Variants in GPNMB observed in about 807,000 individuals in gnomAD.
GPNMB encodes the protein glycoprotein nmb, also known as transmembrane glycoprotein NMB.
A neutral mutation model predicts 57.3 loss-of-function variants in GPNMB; 71 were observed. The observed-to-expected ratio is 1.24, with a 90% confidence interval of 1.02 to 1.51. The LOEUF is 1.51. GPNMB is among the 40% of genes most tolerant of loss of function. The pLI is 0.00. For missense variants in GPNMB, 677 were observed against 691.9 expected, an observed-to-expected ratio of 0.98 and a Z score of 0.24; for synonymous variants, 253 against 263.2, an observed-to-expected ratio of 0.96 and a Z score of 0.38.
chr7:23,267,569 T>G (rs997071484), intron 7 of GPNMB, among the ~76,000 whole-genome samples: 3 of 152,186 alleles, frequency 2.0e-5, no homozygotes, highest in African/African-American at 7.2e-5. Context: ...ACCAGCACAT[T>G]CGGTGGCTGG....
At chr7:23,268,125 C>A in intron 8 of GPNMB, 137 bp downstream of exon 8, 1 of 631,828 alleles carries the variant, frequency 1.6e-6, no homozygotes, top group Non-Finnish European at 2.8e-6. Flanking sequence ...TACTGGTAAC[C>A]CTAGACAGGA....
chr7:23,260,631 T>C lies in GPNMB; in HGVS notation c.876T>C (p.Phe292=). The C allele has an allele frequency of 6.2e-7, 1 of 1,614,122 alleles. No homozygotes were observed. The highest frequency in any genetic ancestry group is 8.5e-7 in the Non-Finnish European group (1 of 1,179,964). ...KWSFGDNTGL[F]VSTNHTVNHT... is the part of the protein sequence containing the mutation. The stretch of plus-strand genomic sequence containing the variant: ...GCTTCGGGGATAATACTGGCCTGTT[T>C]GTTTCCACCAATCATACTGTGAATC... The change falls in exon 6 of 11, where the codon TTT becomes TTC. Residue 292 remains phenylalanine, a synonymous_variant. Transcript: ENST00000258733.
chr7:23,267,740 C>T, intron 7 of GPNMB, 146 bp from the exon 8 acceptor site: 1 of 657,394 alleles, frequency 1.5e-6, no homozygotes, highest in East Asian at 2.6e-5. Flanking sequence ...TCCCAAAGAC[C>T]CCCCTCCTAA....
At chr7:23,265,979 C>G (rs1472854156) in intron 6 of GPNMB, among the ~76,000 whole-genome samples, 1 of 151,218 alleles carries the variant, frequency 6.6e-6, no homozygotes, top group African/African-American at 2.4e-5. Context: ...GACGGAGTCT[C>G]GCTCTGTCAC....
At chr7:23,257,141 A>C in intron 4 of GPNMB, 76 bp downstream of exon 4, 1 of 1,228,008 alleles carries the variant, frequency 8.1e-7, no homozygotes, top group Non-Finnish European at 1.2e-6. Flanking sequence ...TTACTCTATA[A>C]TTGAGAATGA....
intron 10 of GPNMB, 28 bp downstream of exon 10, chr7:23,273,642 T>C: frequency 7.7e-7 from 1 of 1,290,374 alleles, no homozygotes; most frequent in Non-Finnish European, 1.1e-6. Context: ...ACGCTTTATA[T>C]CACTATAGTG....
intron 3 of GPNMB, among the ~76,000 whole-genome samples, chr7:23,255,698 A>G (rs1782760428): frequency 6.6e-6 from 1 of 152,012 alleles, no homozygotes; most frequent in Non-Finnish European, 1.5e-5. Flanking sequence ...GATTTGTATG[A>G]CTTTTTTGAG....
chr7:23,255,367 A>C (rs1782751880), intron 3 of GPNMB, among the ~76,000 whole-genome samples: 1 of 152,210 alleles, frequency 6.6e-6, no homozygotes, highest in Admixed American at 6.5e-5. Context: ...CATGGCCTCC[A>C]GTTCCATCCA....
chr7:23,273,508 C>T lies in GPNMB; in HGVS notation c.1430-13C>T. 5 of 1,576,532 alleles carry T rather than the reference C, an allele frequency of 3.2e-6. No individual in the cohort carries two copies. Among genetic ancestry groups the T allele is most frequent in the African/African-American group, 1.3e-5 (1 of 74,312 alleles). On this transcript the variant is annotated splice_polypyrimidine_tract_variant and intron_variant, in intron 9 of 10. Transcript: ENST00000258733. Reference sequence around the variant, plus strand: ...GGAAGACATAACTAACATGCTCTTGCTTCTGTTTTAAGACCCAGCCTCGCC... The same window carrying T: ...GGAAGACATAACTAACATGCTCTTGTTTCTGTTTTAAGACCCAGCCTCGCC...
chr7:23,259,555 T>G (rs1215885344), intron 4 of GPNMB, among the ~76,000 whole-genome samples: 1 of 152,172 alleles, frequency 6.6e-6, no homozygotes, highest in African/African-American at 2.4e-5. Context: ...ATCCACTTAA[T>G]AATATAGCGG....
chr7:23,266,144 T>C (rs990497580), intron 6 of GPNMB: 2 of 166,260 alleles, frequency 1.2e-5, no homozygotes, highest in East Asian at 3.4e-4. Flanking sequence ...AGAGGCGGGG[T>C]TTCACCATGT....
rs551738995 is a variant in GPNMB at position 23,274,838 on chromosome 7, T to C, written c.*614T>C. On this transcript the variant is annotated 3_prime_UTR_variant, in exon 11 of 11. Coordinates refer to ENST00000258733, the MANE Select transcript of GPNMB (RefSeq NM_002510.3). ...GAGTGAAGGAATGATATTCATATAT[T>C]CATTTATTCCATGGACATTTAGTTA... 4 of 152,214 alleles carry C rather than the reference T, an allele frequency of 2.6e-5. No individual in the cohort carries two copies. The allele number at this position is 152,214 out of a possible 1,614,324, so 9.4% of individuals were successfully genotyped here. A position where few individuals can be genotyped will look rare whatever the true frequency, so the allele number is the denominator to read the frequency against.
intron 8 of GPNMB, among the ~76,000 whole-genome samples, chr7:23,269,749 A>G (rs1410624976): frequency 1.3e-5 from 2 of 151,976 alleles, no homozygotes; most frequent in East Asian, 3.9e-4. Flanking sequence ...CCAGGGCCTC[A>G]CTTTCCTGAG....
At position 23,260,668 on chromosome 7, in the gene GPNMB, C is replaced by T; in HGVS notation, c.913C>T (p.Leu305Phe). Reference protein sequence around the residue: ...TNHTVNHTYVLNGTFSLNLTV... With the variant: ...TNHTVNHTYVFNGTFSLNLTV... Reference sequence around the variant, plus strand: ...TCATACTGTGAATCACACGTATGTGCTCAATGGAACCTTCAGCCTTAACCT... The same window carrying T: ...TCATACTGTGAATCACACGTATGTGTTCAATGGAACCTTCAGCCTTAACCT... The change falls in exon 6 of 11, where the codon CTC (leucine) becomes TTC (phenylalanine). Residue 305 changes from leucine (L) to phenylalanine (F), a missense_variant. Leu to Phe is a conservative substitution (Grantham distance 22). Transcript: ENST00000258733. 6.2e-7 allele frequency: 1 copy of T among 1,613,700 alleles called. No individual in the cohort carries two copies. The highest frequency in any genetic ancestry group is 1.3e-5 in the African/African-American group (1 of 75,020).
At chr7:23,260,798 G>C (rs201805160) in intron 6 of GPNMB, 25 bp downstream of exon 6, 8 of 1,482,156 alleles carry the variant, frequency 5.4e-6, no homozygotes, top group Non-Finnish European at 7.2e-6. Context: ...TGATCTTTGA[G>C]GGAGGCTCCT....
Position 23,266,750 on chromosome 7 carries a change from A to G in GPNMB, c.1117+135A>G, listed in dbSNP as rs900137535. On this transcript the variant is annotated intron_variant, in intron 7 of 10. Coordinates refer to ENST00000258733, the MANE Select transcript of GPNMB (RefSeq NM_002510.3). ...CTGCTTGTCTAAGATGACACCACAC[A>G]TGCAAGAGCAAAGACCCCATTCATT... 12 of 670,004 alleles carry G rather than the reference A, an allele frequency of 1.8e-5. No homozygotes were observed. The African/African-American group carries it at 2.0e-4, about 11-fold the overall frequency. The allele number at this position is 670,004 out of a possible 1,614,324, so 41.5% of individuals were successfully genotyped here.
chr7:23,272,848 T>A lies in GPNMB; in HGVS notation c.1430-673T>A, dbSNP rs888336720. Among the ~76,000 whole-genome samples, 28 of 145,048 alleles carry A rather than the reference T, an allele frequency of 1.9e-4. 1 individual carries two copies. Among genetic ancestry groups the A allele is most frequent in the Non-Finnish European group, 9.2e-5 (6 of 65,560 alleles). ...TGGAAAACTTTAAAGGTGGTGATCT[T>A]TTTTTTTTTTTTTGAGGCAAGGTCT... On this transcript the variant is annotated intron_variant, in intron 9 of 10. Coordinates refer to ENST00000258733, the MANE Select transcript of GPNMB (RefSeq NM_002510.3).
At position 23,270,292 on chromosome 7, in the gene GPNMB, C is replaced by A. The variant is rs183799253; in HGVS notation, c.1429+117C>A. 43 of 657,356 alleles carry A rather than the reference C, an allele frequency of 6.5e-5. 1 individual carries two copies. The highest frequency in any genetic ancestry group is 5.1e-4 in the African/African-American group (28 of 54,956). 40.7% of individuals were successfully genotyped at this position (657,356 alleles called of 1,614,324 possible). A position where few individuals can be genotyped will look rare whatever the true frequency, so the allele number is the denominator to read the frequency against. ...TTTAATTCTATTTCAGTACAAAATTCATTGAACTCTTATTAATAAGGATCT... is the reference window on the plus strand; with the variant it reads ...TTTAATTCTATTTCAGTACAAAATTAATTGAACTCTTATTAATAAGGATCT... On this transcript the variant is annotated intron_variant, in intron 9 of 10. Coordinates refer to ENST00000258733, the MANE Select transcript of GPNMB (RefSeq NM_002510.3).
At chr7:23,256,440 T>C (rs944635055) in intron 3 of GPNMB, among the ~76,000 whole-genome samples, 1 of 152,152 alleles carries the variant, frequency 6.6e-6, no homozygotes, top group African/African-American at 2.4e-5. Context: ...ATTGGGGTGA[T>C]AATGGTGTCA....
Sources: allele counts gnomAD v4.1 joint callset (sites outside exome capture counted in the v4.1 genomes callset), GRCh38; gene constraint gnomAD v4.1.1; transcripts MANE v1.5; gene names NCBI Gene and HGNC (gene_info 2026-07-23, HGNC 2026-07-21).